The following GAK variants were observed in gnomAD, a reference collection of about 807,000 sequenced individuals.
The protein encoded by GAK is cyclin-G-associated kinase.
Under a neutral mutation model 143.9 loss-of-function variants are expected in GAK, and 79 were observed. That is an observed-to-expected ratio of 0.55 (90% CI 0.46 to 0.66). GAK has a LOEUF of 0.66. Among genes scored for constraint, GAK ranks in the 30% least tolerant of loss-of-function variants. The probability of loss-of-function intolerance (pLI) is 0.00; values close to 1 mark genes in which losing one functional copy is unlikely to be tolerated. For missense variants in GAK, 1,693 were observed against 1,779.7 expected (o/e 0.95, Z 0.88); for synonymous variants, 881 against 765.5 (o/e 1.15, Z -2.49).
intron 9 of GAK, among the ~76,000 whole-genome samples, chr4:892,629 ACCCTGGCCAGGCCCAG>A (rs1717900802): frequency 6.6e-6 from 1 of 152,074 alleles, no homozygotes; most frequent in Non-Finnish European, 1.5e-5. Context: ...CTGGGAGTGG[ACCCTGGCCAGGCCCAG>A]CCCTGACACA....
chr4:914,360 T>C (rs1305130828), intron 1 of GAK, among the ~76,000 whole-genome samples: 3 of 87,130 alleles, frequency 3.4e-5, no homozygotes, highest in African/African-American at 9.4e-5. Flanking sequence ...AGCCCCAGCG[T>C]GCACGGCCCC....
At position 867,250 on chromosome 4, in the gene GAK, C is replaced by T. The variant is rs202089349; in HGVS notation, c.2578G>A (p.Asp860Asn). 6.2e-7 allele frequency: 1 copy of T among 1,613,132 alleles called. No individual in the cohort carries two copies. The highest frequency in any genetic ancestry group is 1.7e-5 in the Admixed American group (1 of 59,922). The change falls in exon 21 of 28, where the codon GAC becomes AAC. Residue 860 changes from aspartate to asparagine, a missense_variant. Physicochemically the swap from Asp to Asn is conservative, Grantham distance 23 (BLOSUM62 1). Around this residue, in one of 2 missense-constraint regions of GAK, gnomAD observed 822 missense variants for 788.7 expected, o/e 1.04. Coordinates refer to ENST00000314167, the MANE Select transcript of GAK (RefSeq NM_005255.4). ...GGTGTCTCCACCTCAAAAACCAAGT[C>T]CTGCTGCACCAGCCCTGCTGCCAGG... ...PGLAAGLVQQ[D>N]LVFEVETPAV...
chr4:888,562 C>T, intron 11 of GAK: 1 of 427,290 alleles, frequency 2.3e-6, no homozygotes, highest in Non-Finnish European at 4.2e-6. Flanking sequence ...GCCAGGAACG[C>T]CCCAGAGTGA....
intron 13 of GAK, 37 bp from the exon 14 acceptor site, chr4:882,856 G>A: frequency 6.3e-7 from 1 of 1,597,546 alleles, no homozygotes; most frequent in East Asian, 2.2e-5. Flanking sequence ...GACGGCAGAG[G>A]AGCCCCGCCC....
intron 1 of GAK, among the ~76,000 whole-genome samples, chr4:929,410 A>G (rs944756453): frequency 6.6e-6 from 1 of 152,212 alleles, no homozygotes; most frequent in Admixed American, 6.5e-5. Context: ...AGTCAGCCAC[A>G]CAGGGAAGGT....
At chr4:918,463 G>C (rs144994557) in intron 1 of GAK, among the ~76,000 whole-genome samples, 2 of 152,300 alleles carry the variant, frequency 1.3e-5, no homozygotes, top group East Asian at 3.9e-4. Context: ...AGTTAGCTAG[G>C]AAGAATAAGC....
intron 23 of GAK, among the ~76,000 whole-genome samples, chr4:861,604 T>A (rs1750289916): frequency 6.6e-6 from 1 of 151,932 alleles, no homozygotes; most frequent in Admixed American, 6.6e-5. Context: ...AAAAGAAAGC[T>A]GAGATAAGCT....
At chr4:891,538 C>G (rs1257586968) in intron 9 of GAK, among the ~76,000 whole-genome samples, 1 of 152,134 alleles carries the variant, frequency 6.6e-6, no homozygotes, top group African/African-American at 2.4e-5. Flanking sequence ...TTGGCTTAAG[C>G]AGGGGTCTAA....
At chr4:908,415 C>A (rs1721463357) in intron 4 of GAK, among the ~76,000 whole-genome samples, 2 of 152,192 alleles carry the variant, frequency 1.3e-5, no homozygotes, top group African/African-American at 2.4e-5. Flanking sequence ...GCGATCCCAG[C>A]GCCTCAGGAG....
chr4:908,385 T>C (rs1249586597), intron 4 of GAK, among the ~76,000 whole-genome samples: 1 of 152,174 alleles, frequency 6.6e-6, no homozygotes, highest in Admixed American at 6.5e-5. Context: ...GAAAGAGGCC[T>C]GAGCAGGGTG....
At chr4:881,775 G>A (rs953781742) in intron 15 of GAK, 132 bp downstream of exon 15, 55 of 1,152,238 alleles carry the variant, frequency 4.8e-5, no homozygotes, top group African/African-American at 1.9e-4. Flanking sequence ...ATGGCTCCGC[G>A]AGGCCGGGCC....
chr4:902,596 C>CAACAAAAAAAAAAAAA (rs1720087579), intron 5 of GAK, among the ~76,000 whole-genome samples: 1 of 60,730 alleles, frequency 1.6e-5, no homozygotes, highest in Non-Finnish European at 2.7e-5. Context: ...GTGACTGACT[C>CAACAAAAAAAAAAAAA]AAAAAAAAAA....
intron 10 of GAK, among the ~76,000 whole-genome samples, chr4:889,727 G>A (rs1466000448): frequency 6.6e-6 from 1 of 152,212 alleles, no homozygotes; most frequent in Non-Finnish European, 1.5e-5. Flanking sequence ...GGTCGGGAGG[G>A]GTCAGCGCCA....
chr4:921,139 G>A (rs1723863148), intron 1 of GAK, among the ~76,000 whole-genome samples: 1 of 151,858 alleles, frequency 6.6e-6, no homozygotes. Flanking sequence ...GTCTCGCTCT[G>A]TCACCCAGGC....
chr4:877,954 A>T, intron 15 of GAK, 145 bp from the exon 16 acceptor site: 1 of 625,598 alleles, frequency 1.6e-6, no homozygotes, highest in Non-Finnish European at 2.7e-6. Context: ...CTGATGTTAT[A>T]ATTTTCATTT....
chr4:849,831 A>AGGGGCGG, intron 27 of GAK, 57 bp from the exon 28 acceptor site: 1 of 999,060 alleles, frequency 1.0e-6, no homozygotes, highest in Non-Finnish European at 1.4e-6. Flanking sequence ...CGGGCGGGGC[A>AGGGGCGG]GGACCCCCCC....
chr4:887,232 G>GTA (rs1716577513), intron 11 of GAK: 1 of 125,674 alleles, frequency 8.0e-6, no homozygotes, highest in Non-Finnish European at 1.8e-5. Context: ...CGGCTCACGC[G>GTA]CACTCACGTG....
intron 5 of GAK, among the ~76,000 whole-genome samples, chr4:899,790 A>T (rs1719516856): frequency 6.6e-6 from 1 of 152,226 alleles, no homozygotes; most frequent in Non-Finnish European, 1.5e-5. Flanking sequence ...TGCTCCGCGG[A>T]CCAGCAAGCT....
intron 11 of GAK, chr4:888,163 G>C (rs563876213): frequency 2.0e-5 from 3 of 152,266 alleles, no homozygotes; most frequent in African/African-American, 7.2e-5. Flanking sequence ...TGCATCACGG[G>C]CACCAGTCCA....
Sources: gnomAD v4.1 joint callset for allele counts (sites outside exome capture counted in the v4.1 genomes callset) on GRCh38, gnomAD v4.1.1 for gene constraint, gnomAD v4.1.1 regional missense constraint, MANE v1.5 for transcripts, NCBI Gene and HGNC (gene_info 2026-07-23, HGNC 2026-07-21) for gene names.